Variants in LAMC3 observed in about 807,000 individuals in gnomAD.
LAMC3 encodes laminin subunit gamma-3.
In LAMC3, 128 loss-of-function variants were observed where a neutral mutation model predicts 173.8. That is an observed-to-expected ratio of 0.74 (90% CI 0.64 to 0.85). The LOEUF is 0.85. Ranked by LOEUF, LAMC3 falls within the 40% of genes least tolerant of loss-of-function variation. The pLI is 0.00. For synonymous variants in LAMC3, 897 were observed against 909.1 expected (o/e 0.99, Z 0.24); for missense variants, 2,022 against 2,156.0 (o/e 0.94, Z 1.23).
In LAMC3 at chr9:131,072,859, C is replaced by T. The variant is rs375944627; in HGVS notation, c.3417+24C>T. Reference sequence around the variant, plus strand: ...TGGTATCCCAGGGGACCCCCCTACCCGAACACACCAAACCTGGGCATTGGT... The same window carrying T: ...TGGTATCCCAGGGGACCCCCCTACCTGAACACACCAAACCTGGGCATTGGT... On this transcript the variant is annotated intron_variant, in intron 19 of 27. Coordinates refer to ENST00000361069, the MANE Select transcript of LAMC3 (RefSeq NM_006059.4). 27 of 1,595,752 alleles carry T rather than the reference C, an allele frequency of 1.7e-5. 1 individual carries two copies. Among genetic ancestry groups the T allele is most frequent in the Middle Eastern group, 1.6e-4 (1 of 6,062 alleles).
At chr9:131,070,640 G>A (rs1830023032) in intron 17 of LAMC3, among the ~76,000 whole-genome samples, 1 of 152,120 alleles carries the variant, frequency 6.6e-6, no homozygotes, top group African/African-American at 2.4e-5. Flanking sequence ...GAACCCAGGA[G>A]GCGGAGGTCG....
At chr9:131,037,991 C>G (rs977378373) in intron 4 of LAMC3, among the ~76,000 whole-genome samples, 1 of 152,256 alleles carries the variant, frequency 6.6e-6, no homozygotes, top group Admixed American at 6.5e-5. Flanking sequence ...CCTGCCATCA[C>G]ACGACATGCC....
At chr9:131,073,944 C>CTTTTTTTT (rs57877574) in intron 20 of LAMC3, among the ~76,000 whole-genome samples, 9 of 90,796 alleles carry the variant, frequency 9.9e-5, no homozygotes, top group African/African-American at 1.3e-4. Context: ...CTTTTCTTTT[C>CTTTTTTTT]TTTTTTTTTT....
intron 1 of LAMC3, among the ~76,000 whole-genome samples, chr9:131,015,291 G>A (rs1461247596): frequency 1.3e-5 from 2 of 152,076 alleles, no homozygotes; most frequent in African/African-American, 4.8e-5. Context: ...GGTGCCTCCC[G>A]TACTCCTAAG....
chr9:131,072,601 G>T, intron 18 of LAMC3, 29 bp from the exon 19 acceptor site: 1 of 1,585,538 alleles, frequency 6.3e-7, no homozygotes, highest in South Asian at 1.1e-5. Context: ...CCACCACTTT[G>T]TGACCCCTGG....
rs1437538608 is a variant in LAMC3, at chr9:131,087,464, C to G, written c.4231-12C>G. 2.5e-6 allele frequency: 4 copies of G among 1,613,736 alleles called. No homozygotes were observed. Reference sequence around the variant, plus strand: ...TCACTTCTTCTCCCTGCCACTGCCACCCATCCCATAGCTTGCCAAGGCCTT... The same window carrying G: ...TCACTTCTTCTCCCTGCCACTGCCAGCCATCCCATAGCTTGCCAAGGCCTT... On this transcript the variant is annotated splice_polypyrimidine_tract_variant and intron_variant, in intron 25 of 27. Coordinates refer to ENST00000361069, the MANE Select transcript of LAMC3 (RefSeq NM_006059.4).
intron 13 of LAMC3, among the ~76,000 whole-genome samples, chr9:131,065,039 T>TAAA (rs754104539): frequency 0.053 from 1,461 of 27,392 alleles, 58 homozygotes; most frequent in African/African-American, 0.094. Context: ...AGACTCCATC[T>TAAA]AAAAAAAAAA....
chr9:131,043,201 G>A (rs1404395738), intron 7 of LAMC3, among the ~76,000 whole-genome samples: 2 of 152,168 alleles, frequency 1.3e-5, no homozygotes, highest in Non-Finnish European at 2.9e-5. Context: ...AAGTCAAAGG[G>A]GCTCTCCCAA....
intron 6 of LAMC3, 91 bp downstream of exon 6, chr9:131,039,339 T>A: frequency 9.6e-7 from 1 of 1,036,514 alleles, no homozygotes; most frequent in Non-Finnish European, 1.5e-6. Context: ...CCCCTCCCCA[T>A]CCCTTCCTGT....
chr9:131,035,019 C>T (rs927931120), intron 3 of LAMC3, among the ~76,000 whole-genome samples: 5 of 152,190 alleles, frequency 3.3e-5, no homozygotes, highest in Non-Finnish European at 5.9e-5. Flanking sequence ...GGCACGATCT[C>T]GGCTCACTGC....
At chr9:131,056,848 T>C in intron 11 of LAMC3, 81 bp from the exon 12 acceptor site, 3 of 1,069,278 alleles carry the variant, frequency 2.8e-6, no homozygotes, top group Non-Finnish European at 4.3e-6. Context: ...CTGGTCCATA[T>C]GTGAACAGGA....
At chr9:131,081,053 C>A (rs944483700) in intron 23 of LAMC3, among the ~76,000 whole-genome samples, 1 of 152,238 alleles carries the variant, frequency 6.6e-6, no homozygotes, top group Non-Finnish European at 1.5e-5. Flanking sequence ...TCAGCAGTCC[C>A]TCCTCATTTC....
In LAMC3 at chr9:131,069,059, G is replaced by T; in HGVS notation, c.2890+9G>T. On this transcript the variant is annotated intron_variant, in intron 16 of 27. Coordinates refer to ENST00000361069, the MANE Select transcript of LAMC3 (RefSeq NM_006059.4). ...CATCAAGGGCTGCCGGGGTAAGGAGGCTGGGTCCTTCCCGGGCTGCCCTGA... is the reference window on the plus strand; with the variant it reads ...CATCAAGGGCTGCCGGGGTAAGGAGTCTGGGTCCTTCCCGGGCTGCCCTGA... 3 of 1,613,270 alleles carry T rather than the reference G, an allele frequency of 1.9e-6. No homozygotes were observed. Among genetic ancestry groups the T allele is most frequent in the Non-Finnish European group, 2.5e-6 (3 of 1,179,904 alleles).
chr9:131,091,797 A>C lies in LAMC3; in HGVS notation c.*10A>C. On this transcript the variant is annotated 3_prime_UTR_variant, in exon 28 of 28. Transcript: ENST00000361069. ...TGCCAGCTGGCAGTGAGGGCTGCCC[A>C]GATCCCCGGCACACACTCCCCCACC... The C allele has an allele frequency of 1.2e-6, 2 of 1,611,444 alleles. No individual in the cohort carries two copies. Among genetic ancestry groups the C allele is most frequent in the South Asian group, 2.2e-5 (2 of 90,998 alleles).
chr9:131,056,023 T>G (rs993095786), intron 11 of LAMC3, among the ~76,000 whole-genome samples: 1 of 97,812 alleles, frequency 1.0e-5, no homozygotes, highest in African/African-American at 4.6e-5. Flanking sequence ...GGCGAAACCG[T>G]TTTTCTACAA....
At chr9:131,020,617 A>G (rs1833607899) in intron 1 of LAMC3, among the ~76,000 whole-genome samples, 1 of 152,192 alleles carries the variant, frequency 6.6e-6, no homozygotes, top group South Asian at 2.1e-4. Flanking sequence ...ACATGACTGC[A>G]TGTTTGCAAA....
At position 131,064,676 on chromosome 9, in the gene LAMC3, A is replaced by AAAAG. The variant is rs1554788849; in HGVS notation, c.2348-2281_2348-2280insGAAA. On this transcript the variant is annotated intron_variant, in intron 13 of 27. Transcript: ENST00000361069. ...GAGACTCCGTCTCCAAAAAAAAAAA[A>AAAAG]AAAAGAAATGTACATACTCATTGTA... 5.4e-4 allele frequency among the ~76,000 whole-genome samples: 79 copies of AAAAG among 146,508 alleles called. 1 individual carries two copies. The highest frequency in any genetic ancestry group is 1.0e-3 in the East Asian group (5 of 4,924).
At chr9:131,072,893 C>T (rs1830061607) in intron 19 of LAMC3, 58 bp downstream of exon 19, 1 of 1,498,290 alleles carries the variant, frequency 6.7e-7, no homozygotes, top group Non-Finnish European at 9.2e-7. Context: ...GTCCCTGCCC[C>T]AGCCCTCCCA....
Position 131,085,589 on chromosome 9 carries a change from A to G in LAMC3, c.4096A>G (p.Ser1366Gly). 1.9e-6 allele frequency: 3 copies of G among 1,614,148 alleles called. No homozygotes were observed. Among genetic ancestry groups the G allele is most frequent in the Non-Finnish European group, 2.5e-6 (3 of 1,180,034 alleles). The change falls in exon 25 of 28, where the codon AGT becomes GGT. Residue 1366 changes from serine (S) to glycine (G), a missense_variant. Ser to Gly is a moderately conservative substitution (Grantham distance 56). Coordinates refer to ENST00000361069, the MANE Select transcript of LAMC3 (RefSeq NM_006059.4). ...ATTGCAGAGGAAGGCAGACTCCGTCAGTGACAGACTCCTTGCAGACACGAG... is the reference window on the plus strand; with the variant it reads ...ATTGCAGAGGAAGGCAGACTCCGTCGGTGACAGACTCCTTGCAGACACGAG... ...AALQRKADSV[S>G]DRLLADTRKK...
Sources: allele counts gnomAD v4.1 joint callset (sites outside exome capture counted in the v4.1 genomes callset), GRCh38; gene constraint gnomAD v4.1.1; transcripts MANE v1.5; gene names NCBI Gene and HGNC (gene_info 2026-07-23, HGNC 2026-07-21).